Variants in CDK12 observed in about 807,000 individuals in gnomAD.
CDK12 encodes the protein cyclin-dependent kinase 12.
CDK12 carries 17 observed loss-of-function variants against 133.8 expected under a neutral mutation model. The ratio of observed to expected loss-of-function variants is 0.13; its 90% CI spans 0.09 to 0.19. CDK12 has a LOEUF of 0.19. Ranked by LOEUF, CDK12 falls within the 10% of genes least tolerant of loss-of-function variation. The pLI is 1.00. For synonymous variants in CDK12, 694 were observed against 683.6 expected, an observed-to-expected ratio of 1.02 and a Z score of -0.24; for missense variants, 1,508 against 1,818.7, an observed-to-expected ratio of 0.83 and a Z score of 3.11.
At chr17:39,511,161 G>C (rs1598116993) in intron 7 of CDK12, among the ~76,000 whole-genome samples, 2 of 145,452 alleles carry the variant, frequency 1.4e-5, no homozygotes, top group East Asian at 4.1e-4. Flanking sequence ...CTTGCAATGA[G>C]CCAAGATGGC....
In CDK12 at chr17:39,530,777, C is replaced by T. The variant is rs2146833407; in HGVS notation, c.3934C>T (p.Pro1312Ser). ...ACTTTTATCCCAGCCTGAAGCAGAGCCTCCTGGCCACCTGCCACATGAGCA... is the reference window on the plus strand; with the variant it reads ...ACTTTTATCCCAGCCTGAAGCAGAGTCTCCTGGCCACCTGCCACATGAGCA... ...LQLLSQPEAE[P>S]PGHLPHEHQA... is the part of the protein sequence containing the mutation. Residue 1312 changes from proline (P) to serine (S), a missense_variant, in exon 14 of 14, where the codon CCT (proline) becomes TCT (serine). Around this residue, in one of 9 missense-constraint regions of CDK12, gnomAD observed 399 missense variants for 469.6 expected, o/e 0.85. Transcript: ENST00000447079. 6.2e-7 allele frequency: 1 copy of T among 1,614,128 alleles called. No homozygotes were observed. Among genetic ancestry groups the T allele is most frequent in the Non-Finnish European group, 8.5e-7 (1 of 1,180,002 alleles).
Position 39,533,483 on chromosome 17 carries a change from A to G in CDK12, c.*2167A>G. ...GTGAGCCTGGGATACTTTCAGAAGT[A>G]TCTGTTCAATGAAAAAAAGTTGGTT... On this transcript the variant is annotated 3_prime_UTR_variant, in exon 14 of 14. Coordinates refer to ENST00000447079, the MANE Select transcript of CDK12 (RefSeq NM_016507.4). 1 of 233,226 alleles carries G rather than the reference A, an allele frequency of 4.3e-6. No homozygotes were observed. Among genetic ancestry groups the G allele is most frequent in the Non-Finnish European group, 8.5e-6 (1 of 117,944 alleles). The allele number at this position is 233,226 out of a possible 1,614,324, so 14.4% of individuals were successfully genotyped here. A position where few individuals can be genotyped will look rare whatever the true frequency, so the allele number is the denominator to read the frequency against.
chr17:39,493,289 C>A (rs940336408), intron 4 of CDK12, among the ~76,000 whole-genome samples: 3 of 151,268 alleles, frequency 2.0e-5, no homozygotes, highest in African/African-American at 7.3e-5. Context: ...AGATGTGAGC[C>A]ACGGCGCCAG....
At chr17:39,519,903 T>C in intron 10 of CDK12, 53 bp from the exon 11 acceptor site, 1 of 1,606,094 alleles carries the variant, frequency 6.2e-7, no homozygotes, top group Non-Finnish European at 8.5e-7. Context: ...AATTACAAAT[T>C]TGAGAACTGT....
chr17:39,464,522 G>A (rs867398368), intron 1 of CDK12, among the ~76,000 whole-genome samples: 5 of 151,220 alleles, frequency 3.3e-5, no homozygotes, highest in East Asian at 1.9e-4. Flanking sequence ...GAGCCACCAC[G>A]CCTGGCTCAT....
chr17:39,542,537 T>C (rs2055479368), intron 1 of CDK12, among the ~76,000 whole-genome samples: 1 of 150,960 alleles, frequency 6.6e-6, no homozygotes, highest in Admixed American at 6.6e-5. Flanking sequence ...GAAACGGCGT[T>C]TCATTCTTGT....
At chr17:39,478,881 A>G (rs910677165) in intron 2 of CDK12, among the ~76,000 whole-genome samples, 3 of 152,020 alleles carry the variant, frequency 2.0e-5, no homozygotes, top group African/African-American at 7.2e-5. Flanking sequence ...TTTTAAATTC[A>G]TGATGTGTTT....
rs1002331315 is a variant in CDK12, at chr17:39,462,067, A to G, written c.-5A>G. 4.3e-6 allele frequency: 7 copies of G among 1,611,644 alleles called. No homozygotes were observed. The highest frequency in any genetic ancestry group is 1.7e-5 in the Admixed American group (1 of 59,896). ...TTTTCCCTTCTTCAGGTCAGGGGAA[A>G]GGGAATGCCCAATTCAGAGAGACAT... On this transcript the variant is annotated 5_prime_UTR_variant, in exon 1 of 14. Transcript: ENST00000447079.
At chr17:39,511,443 C>G in intron 7 of CDK12, 86 bp from the exon 8 acceptor site, 1 of 833,486 alleles carries the variant, frequency 1.2e-6, no homozygotes, top group Admixed American at 2.1e-5. Flanking sequence ...TCATTTGGCA[C>G]CTATTTCTAT....
chr17:39,517,694 G>A (rs2053899453), intron 10 of CDK12, 138 bp downstream of exon 10: 1 of 594,302 alleles, frequency 1.7e-6, no homozygotes, highest in Admixed American at 3.1e-5. Context: ...GTTTCGAACA[G>A]TATATGAGTT....
chr17:39,497,565 T>G (rs1469766070), intron 5 of CDK12, among the ~76,000 whole-genome samples: 1 of 151,980 alleles, frequency 6.6e-6, no homozygotes, highest in East Asian at 1.9e-4. Flanking sequence ...AATTGTCATC[T>G]GGATAGGTTA....
In CDK12 at chr17:39,501,315, G is replaced by A. The variant is rs75499177; in HGVS notation, c.2485G>A (p.Val829Met). The change falls in exon 6 of 14, where the codon GTG becomes ATG. Residue 829 changes from valine (V) to methionine (M), a missense_variant. Coordinates refer to ENST00000447079, the MANE Select transcript of CDK12 (RefSeq NM_016507.4). ...AATGGGACTGCTAGAATCTGGTTTG[G>A]TGCACTTTTCTGAGGACCATATCAA... ...DLMGLLESGL[V>M]HFSEDHIKSF... 6.2e-7 allele frequency: 1 copy of A among 1,613,580 alleles called. No individual in the cohort carries two copies. Among genetic ancestry groups the A allele is most frequent in the Non-Finnish European group, 8.5e-7 (1 of 1,179,858 alleles).
At chr17:39,495,441 A>G (rs2052020861) in intron 5 of CDK12, among the ~76,000 whole-genome samples, 1 of 130,560 alleles carries the variant, frequency 7.7e-6, no homozygotes, top group Non-Finnish European at 1.6e-5. Context: ...GAATGAATGG[A>G]TATGATGCAT....
chr17:39,483,710 A>G (rs183996579), intron 2 of CDK12, among the ~76,000 whole-genome samples: 2 of 150,832 alleles, frequency 1.3e-5, no homozygotes, highest in Admixed American at 6.6e-5. Context: ...TTATTTATTT[A>G]TTTATTTATT....
At chr17:39,498,873 C>CTTTTTTTTTCTTTCTTTCTTCCTT (rs1451805838) in intron 5 of CDK12, among the ~76,000 whole-genome samples, 1 of 2,896 alleles carries the variant, frequency 3.5e-4, no homozygotes. Context: ...CTATGATTTT[C>CTTTTTTTTTCTTTCTTTCTTCCTT]TCTTTCTTTC....
intron 2 of CDK12, among the ~76,000 whole-genome samples, chr17:39,482,301 C>A (rs527237760): frequency 6.6e-6 from 1 of 151,972 alleles, no homozygotes; most frequent in Non-Finnish European, 1.5e-5. Flanking sequence ...CCTGAGCTAC[C>A]GCACCTGGCC....
intron 4 of CDK12, among the ~76,000 whole-genome samples, chr17:39,493,192 A>G (rs1299373214): frequency 1.3e-5 from 2 of 149,736 alleles, no homozygotes; most frequent in Admixed American, 6.7e-5. Flanking sequence ...TAGTAGAAAC[A>G]GGGTTCCACT....
chr17:39,487,781 T>C (rs1334761436), intron 2 of CDK12, among the ~76,000 whole-genome samples: 1 of 152,020 alleles, frequency 6.6e-6, no homozygotes, highest in African/African-American at 2.4e-5. Context: ...CAGCTAATTT[T>C]TGTATCTTTA....
At chr17:39,554,174 C>T (rs1056796896) in intron 2 of CDK12, among the ~76,000 whole-genome samples, 2 of 152,188 alleles carry the variant, frequency 1.3e-5, no homozygotes, top group African/African-American at 4.8e-5. Flanking sequence ...CCCTCACTTG[C>T]CTGCCCAGAA....
Sources: allele counts gnomAD v4.1 joint callset (sites outside exome capture counted in the v4.1 genomes callset), GRCh38; gene constraint gnomAD v4.1.1; regional missense constraint gnomAD v4.1.1; transcripts MANE v1.5; gene names NCBI Gene and HGNC (gene_info 2026-07-23, HGNC 2026-07-21).